MYO18A: variants seen among roughly 807,000 people sequenced by gnomAD.
MYO18A encodes the protein unconventional myosin-XVIIIa.
In MYO18A, 78 loss-of-function variants were observed where a neutral mutation model predicts 235.8. The observed-to-expected ratio is 0.33, with a 90% confidence interval of 0.28 to 0.40. The LOEUF is 0.40. Among genes scored for constraint, MYO18A ranks in the 10% least tolerant of loss-of-function variants. MYO18A has a pLI of 1.00. For missense variants in MYO18A, 2,215 were observed against 2,699.3 expected (o/e 0.82, Z 3.98); for synonymous variants, 977 against 1,077.8 (o/e 0.91, Z 1.83).
rs1481258341 is a variant in MYO18A at position 29,115,104 on chromosome 17, A to G, written c.2319-5T>C. 2 of 1,610,534 alleles carry G rather than the reference A, an allele frequency of 1.2e-6. No individual in the cohort carries two copies. The highest frequency in any genetic ancestry group is 1.1e-5 in the South Asian group (1 of 90,636). On this transcript the variant is annotated splice_polypyrimidine_tract_variant and splice_region_variant and intron_variant, in intron 13 of 41. Coordinates refer to ENST00000527372, the MANE Select transcript of MYO18A (RefSeq NM_078471.4). ...TGCTGGCTGGACTTGAGAGCCCTGGATAGGGACAGCCTGGGTCAGAGCCTC... is the reference window on the plus strand; with the variant it reads ...TGCTGGCTGGACTTGAGAGCCCTGGGTAGGGACAGCCTGGGTCAGAGCCTC...
chr17:29,098,318 A>C, intron 24 of MYO18A, 38 bp downstream of exon 24: 1 of 1,612,768 alleles, frequency 6.2e-7, no homozygotes. Flanking sequence ...GTCTCCCTGC[A>C]GCCATGCCCA....
intron 21 of MYO18A, 126 bp from the exon 22 acceptor site, chr17:29,099,888 C>A: frequency 2.3e-6 from 3 of 1,314,624 alleles, no homozygotes; most frequent in Admixed American, 2.7e-5. Context: ...GGAAGAGCCT[C>A]AAAATCCAAT....
Position 29,096,901 on chromosome 17 carries a change from C to A in MYO18A, c.4245G>T (p.Gln1415His). 6.4e-7 allele frequency: 1 copy of A among 1,572,164 alleles called. No homozygotes were observed. Among genetic ancestry groups the A allele is most frequent in the Non-Finnish European group, 8.6e-7 (1 of 1,160,040 alleles). Reference protein sequence around the residue: ...RQLERRLGDLQADSEESQRAL... With the variant: ...RQLERRLGDLHADSEESQRAL... ...CCCGCTGACTCTCCTCACTATCTGC[C>A]TGCAGGTCCCCGAGCTAGGGGCCAA... The change falls in exon 28 of 42, where the codon CAG becomes CAT. Residue 1415 changes from glutamine to histidine, a missense_variant. By Grantham distance (24) the Gln-to-His change is conservative (BLOSUM62 0). Coordinates refer to ENST00000527372, the MANE Select transcript of MYO18A (RefSeq NM_078471.4).
At chr17:29,095,178 C>A in intron 28 of MYO18A, 119 bp from the exon 29 acceptor site, 2 of 1,383,610 alleles carry the variant, frequency 1.4e-6, no homozygotes, top group Non-Finnish European at 1.9e-6. Flanking sequence ...CCCATGCAGC[C>A]CTAACGTGGG....
rs561205978 is a variant in MYO18A at position 29,086,877 on chromosome 17, C to T, written c.5712+59G>A. Reference sequence around the variant, plus strand: ...CTCAACCAGGCCAGAGTGAGGCATACACTCAGCAGCTACTCAAGGGGCTGC... The same window carrying T: ...CTCAACCAGGCCAGAGTGAGGCATATACTCAGCAGCTACTCAAGGGGCTGC... On this transcript the variant is annotated intron_variant, in intron 38 of 41. Coordinates refer to ENST00000527372, the MANE Select transcript of MYO18A (RefSeq NM_078471.4). 7.8e-6 allele frequency: 12 copies of T among 1,533,278 alleles called. No individual in the cohort carries two copies. The East Asian group carries it at 2.1e-4, about 27-fold the overall frequency. 95.0% of individuals were successfully genotyped at this position (1,533,278 alleles called of 1,614,324 possible).
intron 2 of MYO18A, among the ~76,000 whole-genome samples, chr17:29,146,119 G>A (rs1256329646): frequency 7.2e-5 from 11 of 152,192 alleles, no homozygotes; most frequent in African/African-American, 9.6e-5. Context: ...TTAGCCAGGC[G>A]TGGTGGCATG....
At chr17:29,136,810 C>T (rs779949353) in intron 2 of MYO18A, among the ~76,000 whole-genome samples, 2 of 152,160 alleles carry the variant, frequency 1.3e-5, no homozygotes, top group Non-Finnish European at 2.9e-5. Flanking sequence ...TAAACTTCAT[C>T]GGCGTGAAGG....
rs376720514 is a variant in MYO18A, at chr17:29,110,558, C to A, written c.2965G>T (p.Ala989Ser). Reference protein sequence around the residue: ...GSATVLSGSIAGLEGGSQLAL... With the variant: ...GSATVLSGSISGLEGGSQLAL... ...AGCTGCGAGCCGCCCTCCAGGCCCG[C>A]GATGGAGCCAGAGAGCACCGTGGCA... is the stretch of plus-strand genomic sequence containing the variant. Residue 989 changes from alanine to serine, a missense_variant, in exon 18 of 42, where the codon GCG becomes TCG. Transcript: ENST00000527372. The A allele has an allele frequency of 4.2e-5, 67 of 1,612,316 alleles. No homozygotes were observed. The highest frequency in any genetic ancestry group is 5.1e-6 in the Non-Finnish European group (6 of 1,179,400).
intron 2 of MYO18A, among the ~76,000 whole-genome samples, chr17:29,142,583 T>G (rs1047558882): frequency 7.2e-5 from 11 of 152,210 alleles, no homozygotes; most frequent in Non-Finnish European, 1.3e-4. Context: ...AACCCAGACC[T>G]GCTGAACCAA....
intron 23 of MYO18A, among the ~76,000 whole-genome samples, 178 bp downstream of exon 23, chr17:29,098,648 T>C (rs571214088): frequency 3.3e-5 from 5 of 152,272 alleles, no homozygotes; most frequent in African/African-American, 9.6e-5. Context: ...CCCAAGATTT[T>C]ATCGTAAGAG....
chr17:29,173,763 A>G (rs1287464633), intron 1 of MYO18A, among the ~76,000 whole-genome samples: 1 of 152,096 alleles, frequency 6.6e-6, no homozygotes, highest in East Asian at 1.9e-4. Flanking sequence ...AGTCAGTGGT[A>G]TCTGTGAAAA....
chr17:29,163,168 C>T (rs957198741), intron 2 of MYO18A, among the ~76,000 whole-genome samples: 6 of 152,162 alleles, frequency 3.9e-5, no homozygotes, highest in African/African-American at 1.2e-4. Context: ...CTGGAGGAGG[C>T]GGGAAGACTT....
chr17:29,112,151 C>T (rs76602374), intron 15 of MYO18A, among the ~76,000 whole-genome samples: 2,445 of 152,300 alleles, frequency 0.016, 65 homozygotes, highest in African/African-American at 0.055. Flanking sequence ...GGCCCGAGCC[C>T]GCGCCCCGAG....
intron 41 of MYO18A, among the ~76,000 whole-genome samples, 178 bp downstream of exon 41, chr17:29,082,138 G>A (rs1169350607): frequency 2.0e-5 from 3 of 152,220 alleles, no homozygotes; most frequent in Admixed American, 6.5e-5. Context: ...TAAGGGCGAC[G>A]CAGCCCTGGC....
chr17:29,075,079 C>G (rs1180500795), intron 41 of MYO18A, 165 bp from the exon 42 acceptor site: 2 of 748,506 alleles, frequency 2.7e-6, no homozygotes, highest in Middle Eastern at 3.3e-4. Context: ...ACTCAAAATG[C>G]TAAGAGGAAG....
chr17:29,079,009 C>G (rs928314015), intron 41 of MYO18A, among the ~76,000 whole-genome samples: 2 of 152,128 alleles, frequency 1.3e-5, no homozygotes, highest in Non-Finnish European at 2.9e-5. Flanking sequence ...GCCCTGGGAG[C>G]CTTGTACTCC....
In MYO18A at chr17:29,107,069, C is replaced by A; in HGVS notation, c.3441+11G>T. On this transcript the variant is annotated intron_variant, in intron 20 of 41. Transcript: ENST00000527372. ...GGGCAGAGGGAGAGCGGTCTGGGGA[C>A]CTGGACCTACCCGCCTTTCATCCAC... 1 of 1,613,420 alleles carries A rather than the reference C, an allele frequency of 6.2e-7. No individual in the cohort carries two copies. Among genetic ancestry groups the A allele is most frequent in the South Asian group, 1.1e-5 (1 of 91,070 alleles).
intron 2 of MYO18A, among the ~76,000 whole-genome samples, chr17:29,135,585 T>C (rs1189115421): frequency 6.6e-6 from 1 of 152,260 alleles, no homozygotes; most frequent in East Asian, 1.9e-4. Context: ...TTTGATCTCT[T>C]GTTCAAGTTT....
At chr17:29,089,314 G>C (rs1293843626) in intron 37 of MYO18A, among the ~76,000 whole-genome samples, 1 of 150,298 alleles carries the variant, frequency 6.7e-6, no homozygotes, top group Non-Finnish European at 1.5e-5. Context: ...CCATCTACTC[G>C]GGAGGCTGAG....
Sources: gnomAD v4.1 joint callset for allele counts (sites outside exome capture counted in the v4.1 genomes callset) on GRCh38, gnomAD v4.1.1 for gene constraint, MANE v1.5 for transcripts, NCBI Gene and HGNC (gene_info 2026-07-23, HGNC 2026-07-21) for gene names.